The following IKZF3 variants were observed in gnomAD, a reference collection of about 807,000 sequenced individuals.
The protein encoded by IKZF3 is IKAROS family zinc finger 3, also known as zinc finger protein Aiolos.
Under a neutral mutation model 49.0 loss-of-function variants are expected in IKZF3, and 10 were observed. That is an observed-to-expected ratio of 0.20 (90% CI 0.13 to 0.35). The LOEUF is 0.35. Ranked by LOEUF, IKZF3 falls within the 10% of genes least tolerant of loss-of-function variation. The pLI is 1.00. For missense variants in IKZF3, 498 were observed against 664.8 expected (o/e 0.75, Z 2.76); for synonymous variants, 209 against 228.2 (o/e 0.92, Z 0.76).
At chr17:39,767,518 A>G (rs112771360) in intron 7 of IKZF3, among the ~76,000 whole-genome samples, 3,634 of 152,162 alleles carry the variant, frequency 0.024, 60 homozygotes, top group Non-Finnish European at 0.036. Context: ...GAGCCTCTCC[A>G]TTCTGTCAGC....
chr17:39,820,496 T>C (rs980968132), intron 3 of IKZF3, among the ~76,000 whole-genome samples: 14 of 152,344 alleles, frequency 9.2e-5, no homozygotes, highest in African/African-American at 3.4e-4. Flanking sequence ...TTCAATGAAC[T>C]TTCCAAACTG....
chr17:39,785,912 T>A (rs1273501979), intron 6 of IKZF3, among the ~76,000 whole-genome samples: 1 of 152,188 alleles, frequency 6.6e-6, no homozygotes, highest in Non-Finnish European at 1.5e-5. Context: ...TCAGCATACA[T>A]AAATGCCTCA....
intron 1 of IKZF3, among the ~76,000 whole-genome samples, chr17:39,845,899 C>T (rs1207984086): frequency 6.6e-6 from 1 of 152,122 alleles, no homozygotes; most frequent in Non-Finnish European, 1.5e-5. Flanking sequence ...GTAAAAATAT[C>T]GACCACAGGA....
At chr17:39,791,887 CTTTTTT>C (rs1211244204) in intron 4 of IKZF3, among the ~76,000 whole-genome samples, 1 of 126,834 alleles carries the variant, frequency 7.9e-6, no homozygotes, top group South Asian at 2.5e-4. Flanking sequence ...TTGGTACTCC[CTTTTTT>C]TTTTTTTTTT....
chr17:39,845,869 TTA>T (rs2062615707), intron 1 of IKZF3, among the ~76,000 whole-genome samples: 1 of 152,146 alleles, frequency 6.6e-6, no homozygotes, highest in African/African-American at 2.4e-5. Flanking sequence ...GATTGAAAAA[TTA>T]ATGCGACTTT....
At chr17:39,815,239 G>A (rs952262351) in intron 3 of IKZF3, among the ~76,000 whole-genome samples, 5 of 152,182 alleles carry the variant, frequency 3.3e-5, no homozygotes, top group African/African-American at 4.8e-5. Context: ...AGAGGAAGAA[G>A]GACTGAAACA....
intron 1 of IKZF3, among the ~76,000 whole-genome samples, chr17:39,855,621 T>C (rs2063016592): frequency 6.6e-6 from 1 of 152,234 alleles, no homozygotes; most frequent in Non-Finnish European, 1.5e-5. Flanking sequence ...TTAGAAGCTG[T>C]TACTTGTTTG....
At chr17:39,807,839 T>C (rs1231617738) in intron 3 of IKZF3, among the ~76,000 whole-genome samples, 1 of 152,070 alleles carries the variant, frequency 6.6e-6, no homozygotes, top group Non-Finnish European at 1.5e-5. Context: ...ACAGTAAATC[T>C]TTAGAGACAG....
chr17:39,843,123 A>C, intron 1 of IKZF3, among the ~76,000 whole-genome samples: 1 of 152,226 alleles, frequency 6.6e-6, no homozygotes, highest in East Asian at 1.9e-4. Context: ...AACGAAAAGC[A>C]ATGTGTGATC....
intron 3 of IKZF3, among the ~76,000 whole-genome samples, chr17:39,822,122 C>T (rs1451386807): frequency 1.3e-5 from 2 of 152,198 alleles, no homozygotes; most frequent in African/African-American, 2.4e-5. Context: ...AACTATCTGA[C>T]TTCCCCTTTC....
At chr17:39,804,827 C>G (rs1390570891) in intron 3 of IKZF3, among the ~76,000 whole-genome samples, 1 of 152,134 alleles carries the variant, frequency 6.6e-6, no homozygotes, top group Non-Finnish European at 1.5e-5. Context: ...CTGTTTATTC[C>G]TCTTTCTCTA....
chr17:39,796,233 T>C (rs2061158491), intron 3 of IKZF3, among the ~76,000 whole-genome samples: 1 of 152,150 alleles, frequency 6.6e-6, no homozygotes, highest in Non-Finnish European at 1.5e-5. Flanking sequence ...GTGTTCTACT[T>C]AGAAAAATTC....
chr17:39,847,912 C>G (rs1319060459), intron 1 of IKZF3, among the ~76,000 whole-genome samples: 1 of 152,104 alleles, frequency 6.6e-6, no homozygotes, highest in African/African-American at 2.4e-5. Flanking sequence ...TTTTAAATGC[C>G]TTCCTATACA....
At chr17:39,847,044 GT>G (rs1598193737) in intron 1 of IKZF3, among the ~76,000 whole-genome samples, 1 of 151,984 alleles carries the variant, frequency 6.6e-6, no homozygotes, top group East Asian at 1.9e-4. Flanking sequence ...AAAAGAAAAA[GT>G]TTATCTTATC....
chr17:39,779,250 C>T (rs935863808), intron 6 of IKZF3, among the ~76,000 whole-genome samples: 1 of 152,062 alleles, frequency 6.6e-6, no homozygotes, highest in African/African-American at 2.4e-5. Context: ...CACCTGAGGT[C>T]GGGAGTTCAA....
At chr17:39,863,805 A>AC (rs35564481) in intron 1 of IKZF3, among the ~76,000 whole-genome samples, 78,483 of 151,892 alleles carry the variant, frequency 0.52, 20,655 homozygotes, top group African/African-American at 0.6. Context: ...TGATTATTCC[A>AC]CCCCAGATTT....
In IKZF3 at chr17:39,764,098, G is replaced by T. The variant is rs573468484; in HGVS notation, c.*1692C>A. 1 of 152,188 alleles carries T rather than the reference G, an allele frequency of 6.6e-6. No individual in the cohort carries two copies. Among genetic ancestry groups the T allele is most frequent in the African/African-American group, 2.4e-5 (1 of 41,528 alleles). The allele number at this position is 152,188 out of a possible 1,614,324, so 9.4% of individuals were successfully genotyped here. A position where few individuals can be genotyped will look rare whatever the true frequency, so the allele number is the denominator to read the frequency against. ...TCGAACTCCTGACCTCAAATGATGC[G>T]CCTGCCTCGGCTTCCCAAAGTGTTG... On this transcript the variant is annotated 3_prime_UTR_variant, in exon 8 of 8. Transcript: ENST00000346872.
chr17:39,805,558 C>T (rs546530147), intron 3 of IKZF3, among the ~76,000 whole-genome samples: 2 of 152,100 alleles, frequency 1.3e-5, no homozygotes, highest in African/African-American at 4.8e-5. Context: ...AGACTTTTAC[C>T]CATCTCTGGT....
At chr17:39,784,682 G>A (rs942686071) in intron 6 of IKZF3, among the ~76,000 whole-genome samples, 8 of 152,176 alleles carry the variant, frequency 5.3e-5, no homozygotes, top group Non-Finnish European at 7.3e-5. Context: ...GATTACAGGC[G>A]CGACCCACCG....
Sources: gnomAD v4.1 joint callset for allele counts (sites outside exome capture counted in the v4.1 genomes callset) on GRCh38, gnomAD v4.1.1 for gene constraint, MANE v1.5 for transcripts, NCBI Gene and HGNC (gene_info 2026-07-23, HGNC 2026-07-21) for gene names.